The following NFATC1 variants were observed in gnomAD, a reference collection of about 807,000 sequenced individuals.
The protein encoded by NFATC1 is nuclear factor of activated T cells 1, also known as nuclear factor of activated T-cells, cytoplasmic 1.
A neutral mutation model predicts 76.0 loss-of-function variants in NFATC1; 22 were observed. The ratio of observed to expected loss-of-function variants is 0.29; its 90% CI spans 0.21 to 0.41. The LOEUF is 0.41. NFATC1 is among the 10% of genes least tolerant of loss of function. The pLI, the probability that NFATC1 is intolerant of heterozygous loss-of-function variation, is 1.00. For synonymous variants in NFATC1, 704 were observed against 613.1 expected (o/e 1.15, Z -2.19); for missense variants, 1,357 against 1,337.7 (o/e 1.01, Z -0.23).
At position 79,411,400 on chromosome 18, in the gene NFATC1, G is replaced by T. The variant is rs756921193; in HGVS notation, c.1125G>T (p.Gln375His). ...DFAPEDYSSFQHIRKGGFCDQ... is the reference protein window; with the variant it reads ...DFAPEDYSSFHHIRKGGFCDQ... Reference sequence around the variant, plus strand: ...CGCCCGAAGACTACTCCTCTTTCCAGCACATCAGGAAGGGCGGCTTCTGCG... The same window carrying T: ...CGCCCGAAGACTACTCCTCTTTCCATCACATCAGGAAGGGCGGCTTCTGCG... Residue 375 changes from glutamine to histidine, a missense_variant, in exon 2 of 10, where the codon CAG (glutamine) becomes CAT (histidine). This residue lies in a region of NFATC1 where 691 missense variants were observed against 613.1 expected (regional missense o/e 1.13). Transcript: ENST00000427363. 7 of 1,571,416 alleles carry T rather than the reference G, an allele frequency of 4.5e-6. No individual in the cohort carries two copies. The highest frequency in any genetic ancestry group is 6.0e-6 in the Non-Finnish European group (7 of 1,161,348).
At chr18:79,434,820 G>A (rs1172930999) in intron 3 of NFATC1, among the ~76,000 whole-genome samples, 1 of 152,242 alleles carries the variant, frequency 6.6e-6, no homozygotes, top group Non-Finnish European at 1.5e-5. Context: ...TAGCGGGCAG[G>A]GCGCTGGGGT....
chr18:79,506,554 A>T (rs1209726010), intron 9 of NFATC1, among the ~76,000 whole-genome samples: 4 of 152,228 alleles, frequency 2.6e-5, no homozygotes, highest in African/African-American at 9.6e-5. Context: ...GAAGATGCTC[A>T]GTGCTGGGGG....
intron 9 of NFATC1, among the ~76,000 whole-genome samples, chr18:79,511,995 A>G (rs1569044219): frequency 6.6e-6 from 1 of 152,118 alleles, no homozygotes; most frequent in Non-Finnish European, 1.5e-5. Context: ...GTCCGCAGCC[A>G]TCCCAGGATG....
At chr18:79,439,381 G>A (rs902736874) in intron 3 of NFATC1, among the ~76,000 whole-genome samples, 1 of 152,156 alleles carries the variant, frequency 6.6e-6, no homozygotes, top group African/African-American at 2.4e-5. Flanking sequence ...CACGCACGGG[G>A]AGGACGCCGT....
intron 1 of NFATC1, among the ~76,000 whole-genome samples, chr18:79,397,075 C>T (rs1249702843): frequency 6.6e-6 from 1 of 152,184 alleles, no homozygotes; most frequent in African/African-American, 2.4e-5. Context: ...CCCTGAAACC[C>T]GGTGTGGGGG....
chr18:79,451,738 G>A lies in NFATC1; in HGVS notation c.1825G>A (p.Val609Met), dbSNP rs202141532. The A allele has an allele frequency of 6.3e-5, 101 of 1,613,060 alleles. No homozygotes were observed. The East Asian group carries it at 8.0e-4, about 13-fold the overall frequency. ...EKQSTDSYPV[V>M]GGKKMVLSGH... ...GCAGAGCACGGACAGCTATCCGGTC[G>A]TGGGCGGGAAGAAGATGGTCCTGTC... is the stretch of plus-strand genomic sequence containing the variant. Residue 609 changes from valine (V) to methionine (M), a missense_variant, in exon 6 of 10, where the codon GTG becomes ATG. Coordinates refer to ENST00000427363, the MANE Select transcript of NFATC1 (RefSeq NM_001278669.2).
At chr18:79,464,320 C>A (rs2088315801) in intron 7 of NFATC1, among the ~76,000 whole-genome samples, 1 of 151,916 alleles carries the variant, frequency 6.6e-6, no homozygotes, top group South Asian at 2.1e-4. Flanking sequence ...GTCTTGAACT[C>A]CTGACCTCAG....
chr18:79,401,694 G>C (rs1412306487), intron 1 of NFATC1, among the ~76,000 whole-genome samples: 1 of 152,250 alleles, frequency 6.6e-6, no homozygotes, highest in Non-Finnish European at 1.5e-5. Context: ...TGGGGTGAAA[G>C]TCGGTCCCAT....
At chr18:79,504,308 T>C (rs548569794) in intron 9 of NFATC1, among the ~76,000 whole-genome samples, 27 of 152,284 alleles carry the variant, frequency 1.8e-4, no homozygotes, top group Non-Finnish European at 3.1e-4. Context: ...GCCCTTGAAC[T>C]TTTACTTGAA....
intron 9 of NFATC1, among the ~76,000 whole-genome samples, chr18:79,490,372 C>G (rs535680788): frequency 6.8e-6 from 1 of 147,704 alleles, no homozygotes; most frequent in Non-Finnish European, 1.5e-5. Context: ...GGTGCAGGCC[C>G]AGGCTCTGGG....
At position 79,487,013 on chromosome 18, in the gene NFATC1, G is replaced by A. The variant is rs374872654; in HGVS notation, c.2782+76G>A. Reference sequence around the variant, plus strand: ...GAGCTCATGGAGGGGCCGTGTGCGTGCTGCGTGTGTGGCACGTGTGGAAGT... The same window carrying A: ...GAGCTCATGGAGGGGCCGTGTGCGTACTGCGTGTGTGGCACGTGTGGAAGT... On this transcript the variant is annotated intron_variant, in intron 9 of 9. Coordinates refer to ENST00000427363, the MANE Select transcript of NFATC1 (RefSeq NM_001278669.2). 3.4e-6 allele frequency: 5 copies of A among 1,464,442 alleles called. No homozygotes were observed. In the African/African-American group the frequency reaches 5.6e-5, roughly 17 times the overall value. 90.7% of individuals were successfully genotyped at this position (1,464,442 alleles called of 1,614,324 possible). A position where few individuals can be genotyped will look rare whatever the true frequency, so the allele number is the denominator to read the frequency against.
At chr18:79,451,891 A>G (rs1006521842) in intron 6 of NFATC1, 75 bp downstream of exon 6, 10 of 1,521,442 alleles carry the variant, frequency 6.6e-6, no homozygotes, top group African/African-American at 4.1e-5. Flanking sequence ...TCGGTGGAGC[A>G]GGACCCACCT....
rs147130125 is a variant in NFATC1, at chr18:79,476,939, T to G, written c.2093-9309T>G. On this transcript the variant is annotated intron_variant, in intron 8 of 9. Coordinates refer to ENST00000427363, the MANE Select transcript of NFATC1 (RefSeq NM_001278669.2). ...AGCAGAAACTCCAGTGAAGAGTCGGTGAGAGAGCACAAATTCCCAAAGGCG... is the reference window on the plus strand; with the variant it reads ...AGCAGAAACTCCAGTGAAGAGTCGGGGAGAGAGCACAAATTCCCAAAGGCG... 5.4e-3 allele frequency among the ~76,000 whole-genome samples: 828 copies of G among 152,304 alleles called. 10 individuals are homozygous for G. Among genetic ancestry groups the G allele is most frequent in the African/African-American group, 0.018 (768 of 41,556 alleles).
chr18:79,488,030 C>A (rs996626212), intron 9 of NFATC1, among the ~76,000 whole-genome samples: 2 of 152,064 alleles, frequency 1.3e-5, no homozygotes, highest in African/African-American at 2.4e-5. Context: ...GGGGTCCAGG[C>A]GAGCCTCGGC....
chr18:79,467,653 C>A (rs903094712), intron 8 of NFATC1, 71 bp downstream of exon 8: 2 of 1,594,348 alleles, frequency 1.3e-6, no homozygotes. Flanking sequence ...GACGCAGAAA[C>A]GACGTCGCCG....
At chr18:79,485,451 C>A (rs910561768) in intron 8 of NFATC1, among the ~76,000 whole-genome samples, 1 of 152,266 alleles carries the variant, frequency 6.6e-6, no homozygotes, top group African/African-American at 2.4e-5. Context: ...TGACTGCACA[C>A]CCTGCCTGTT....
At chr18:79,427,479 A>G (rs7239894) in intron 2 of NFATC1, among the ~76,000 whole-genome samples, 15,405 of 21,312 alleles carry the variant, frequency 0.72, 5,994 homozygotes, top group East Asian at 0.78. Context: ...GGGCTGTACC[A>G]CTGGCCTCTG....
rs574030286 is a variant in NFATC1 at position 79,490,631 on chromosome 18, C to T, written c.2782+3694C>T. 3.3e-5 allele frequency among the ~76,000 whole-genome samples: 5 copies of T among 152,302 alleles called. No individual in the cohort carries two copies. In the East Asian group the frequency reaches 9.6e-4, roughly 29 times the overall value. On this transcript the variant is annotated intron_variant, in intron 9 of 9. Transcript: ENST00000427363. ...CAGATTCAAATGTTTATTGCTCTGT[C>T]GGAGCCGAGTGGATGGAGCCTTCAC...
intron 2 of NFATC1, among the ~76,000 whole-genome samples, chr18:79,427,756 GT>G (rs2086429005): frequency 1.4e-5 from 1 of 72,840 alleles, no homozygotes; most frequent in Non-Finnish European, 2.7e-5. Context: ...GGGTGGGGGG[GT>G]GCTGGACGGC....
Sources: gnomAD v4.1 joint callset for allele counts (sites outside exome capture counted in the v4.1 genomes callset) on GRCh38, gnomAD v4.1.1 for gene constraint, gnomAD v4.1.1 regional missense constraint, MANE v1.5 for transcripts, NCBI Gene and HGNC (gene_info 2026-07-23, HGNC 2026-07-21) for gene names.